The following UNC5D variants were observed in gnomAD, a reference collection of about 807,000 sequenced individuals.
UNC5D encodes netrin receptor UNC5D.
In UNC5D, 39 loss-of-function variants were observed where a neutral mutation model predicts 105.4. The observed-to-expected ratio is 0.37, with a 90% CI of 0.29 to 0.48. UNC5D has a LOEUF of 0.48. UNC5D is among the 20% of genes least tolerant of loss of function. The probability of loss-of-function intolerance (pLI) is 0.98; values close to 1 mark genes in which losing one functional copy is unlikely to be tolerated. For missense variants in UNC5D, 991 were observed against 1,202.4 expected (o/e 0.82, Z 2.60); for synonymous variants, 452 against 450.4 (o/e 1.00, Z -0.04).
At chr8:35,379,517 G>A (rs981116094) in intron 1 of UNC5D, among the ~76,000 whole-genome samples, 2 of 151,956 alleles carry the variant, frequency 1.3e-5, no homozygotes, top group African/African-American at 4.8e-5. Flanking sequence ...ATTATCTTAC[G>A]TCTGTGTGAC....
At chr8:35,648,084 T>G (rs559046128) in intron 4 of UNC5D, among the ~76,000 whole-genome samples, 1 of 152,286 alleles carries the variant, frequency 6.6e-6, no homozygotes, top group East Asian at 1.9e-4. Flanking sequence ...TCTGGAGTCC[T>G]CTGCAAACAG....
intron 1 of UNC5D, among the ~76,000 whole-genome samples, chr8:35,358,785 A>G (rs181623626): frequency 5.3e-4 from 80 of 152,328 alleles, no homozygotes; most frequent in African/African-American, 1.9e-3. Context: ...TGAGATACAC[A>G]ATTATGTCCA....
intron 1 of UNC5D, among the ~76,000 whole-genome samples, chr8:35,333,825 G>A (rs1462924474): frequency 2.0e-5 from 3 of 152,166 alleles, no homozygotes; most frequent in Admixed American, 2.0e-4. Context: ...GTTACTACAA[G>A]TTTAGAATAC....
rs560247968 is a variant in UNC5D at position 35,607,994 on chromosome 8, G to T, written c.570+12337G>T. Among the ~76,000 whole-genome samples the T allele has an allele frequency of 2.9e-4, 44 of 152,182 alleles. 1 individual carries two copies. In the Middle Eastern group the frequency reaches 0.014, roughly 47 times the overall value. The stretch of plus-strand genomic sequence containing the variant: ...TGAATTTCTTCTTATAAGGACACCA[G>T]CCATTAGACTATGGCTGACTGTAAT... On this transcript the variant is annotated intron_variant, in intron 4 of 16. Coordinates refer to ENST00000404895, the MANE Select transcript of UNC5D (RefSeq NM_080872.4).
intron 1 of UNC5D, among the ~76,000 whole-genome samples, chr8:35,392,328 C>T (rs188074229): frequency 9.9e-5 from 15 of 152,280 alleles, no homozygotes; most frequent in African/African-American, 2.6e-4. Context: ...CCTCCCACCT[C>T]GGCCTCTCCA....
chr8:35,330,869 GT>G (rs1810570501), intron 1 of UNC5D, among the ~76,000 whole-genome samples: 1 of 152,136 alleles, frequency 6.6e-6, no homozygotes. Context: ...TGATAAGTGG[GT>G]TTAAAAATGA....
In UNC5D at chr8:35,538,198, G is replaced by A. The variant is rs866769883; in HGVS notation, c.104-11094G>A. ...AGGAGAATCGGCTATAAGCAAAAGA[G>A]GGGGGACATTCGTATCATGGGGCAG... On this transcript the variant is annotated intron_variant, in intron 1 of 16. Transcript: ENST00000404895. 6.0e-4 allele frequency among the ~76,000 whole-genome samples: 91 copies of A among 151,650 alleles called. 1 individual carries two copies. Among genetic ancestry groups the A allele is most frequent in the African/African-American group, 2.2e-3 (90 of 41,390 alleles).
At chr8:35,714,019 G>GA (rs1167919286) in intron 8 of UNC5D, among the ~76,000 whole-genome samples, 2 of 152,208 alleles carry the variant, frequency 1.3e-5, no homozygotes, top group Non-Finnish European at 2.9e-5. Context: ...CAGGGTTTGG[G>GA]AAGTCATCCA....
intron 1 of UNC5D, among the ~76,000 whole-genome samples, chr8:35,489,599 T>C (rs372796528): frequency 1.3e-5 from 2 of 152,200 alleles, no homozygotes; most frequent in African/African-American, 4.8e-5. Flanking sequence ...ACCTTGATCT[T>C]GGACTTTCAG....
At chr8:35,407,752 C>T (rs1461476689) in intron 1 of UNC5D, among the ~76,000 whole-genome samples, 1 of 152,156 alleles carries the variant, frequency 6.6e-6, no homozygotes, top group Non-Finnish European at 1.5e-5. Flanking sequence ...TATATATTCT[C>T]ATCCTTTAGC....
intron 7 of UNC5D, among the ~76,000 whole-genome samples, chr8:35,691,660 G>A (rs1313379735): frequency 6.6e-6 from 1 of 152,142 alleles, no homozygotes; most frequent in East Asian, 1.9e-4. Context: ...TGACTGTCAA[G>A]AAGCAAGAAC....
Position 35,238,164 on chromosome 8 carries a change from G to T in UNC5D, c.103+2277G>T, listed in dbSNP as rs573327745. 5.3e-5 allele frequency among the ~76,000 whole-genome samples: 8 copies of T among 152,284 alleles called. No homozygotes were observed. In the South Asian group the frequency reaches 1.7e-3, roughly 32 times the overall value. ...TATGCCATTTGCCTTGCTGTTATGA[G>T]AATATTTAACAATTCAGTAGCGTTT... On this transcript the variant is annotated intron_variant, in intron 1 of 16. Transcript: ENST00000404895.
At chr8:35,340,931 A>C (rs1312929813) in intron 1 of UNC5D, among the ~76,000 whole-genome samples, 1 of 152,148 alleles carries the variant, frequency 6.6e-6, no homozygotes, top group Non-Finnish European at 1.5e-5. Context: ...ATCTGAATTT[A>C]ATCTTTCATA....
intron 1 of UNC5D, among the ~76,000 whole-genome samples, chr8:35,305,426 A>G (rs1483568448): frequency 6.6e-6 from 1 of 152,082 alleles, no homozygotes; most frequent in African/African-American, 2.4e-5. Flanking sequence ...TTATATTCCA[A>G]CCCAGACACC....
chr8:35,720,211 C>T (rs2131527682), intron 8 of UNC5D, among the ~76,000 whole-genome samples: 1 of 152,330 alleles, frequency 6.6e-6, no homozygotes, highest in African/African-American at 2.4e-5. Flanking sequence ...GCCCAGGCGT[C>T]TTGCCCTGGT....
At chr8:35,554,350 T>A (rs566341590) in intron 2 of UNC5D, among the ~76,000 whole-genome samples, 39 of 152,228 alleles carry the variant, frequency 2.6e-4, no homozygotes, top group Non-Finnish European at 5.0e-4. Context: ...CAGACAAGGC[T>A]ATACCTCTTA....
chr8:35,723,690 C>T (rs2131542896), intron 9 of UNC5D, among the ~76,000 whole-genome samples: 1 of 152,232 alleles, frequency 6.6e-6, no homozygotes, highest in East Asian at 1.9e-4. Flanking sequence ...TAGGAATGAG[C>T]TACTGGGTCT....
chr8:35,384,356 T>C (rs536913042), intron 1 of UNC5D, among the ~76,000 whole-genome samples: 31 of 152,164 alleles, frequency 2.0e-4, no homozygotes, highest in Admixed American at 1.3e-4. Context: ...ATTTGACACA[T>C]GGTACGTACT....
intron 9 of UNC5D, among the ~76,000 whole-genome samples, chr8:35,723,472 A>G (rs371822580): frequency 2.6e-5 from 4 of 152,336 alleles, no homozygotes; most frequent in Middle Eastern, 3.4e-3. Context: ...TGGTGCAATC[A>G]TAGCTCACGG....
Sources: gnomAD v4.1 joint callset for allele counts (sites outside exome capture counted in the v4.1 genomes callset) on GRCh38, gnomAD v4.1.1 for gene constraint, MANE v1.5 for transcripts, NCBI Gene and HGNC (gene_info 2026-07-23, HGNC 2026-07-21) for gene names.